The following RSU1 variants were observed in gnomAD, a reference collection of about 807,000 sequenced individuals.
RSU1 encodes rsu-1.
In RSU1, 26 loss-of-function variants were observed where a neutral mutation model predicts 31.1. That is an observed-to-expected ratio of 0.84 (90% CI 0.61 to 1.16). The LOEUF (loss-of-function observed/expected upper bound fraction) is 1.16, where lower values mean the gene tolerates loss of function less well. Ranked by LOEUF, RSU1 falls within the 50% of genes most tolerant of loss-of-function variation. The probability of loss-of-function intolerance (pLI) is 0.00; values close to 1 mark genes in which losing one functional copy is unlikely to be tolerated. For missense variants in RSU1, 320 were observed against 339.1 expected, an observed-to-expected ratio of 0.94 and a Z score of 0.44; for synonymous variants, 164 against 136.3, an observed-to-expected ratio of 1.20 and a Z score of -1.41.
At chr10:16,609,813 G>C (rs973923704) in intron 8 of RSU1, among the ~76,000 whole-genome samples, 1 of 152,198 alleles carries the variant, frequency 6.6e-6, no homozygotes, top group African/African-American at 2.4e-5. Flanking sequence ...AATACCTCGA[G>C]TGAGTTAAGT....
At chr10:16,614,749 AC>A (rs1222645647) in intron 8 of RSU1, among the ~76,000 whole-genome samples, 1 of 152,150 alleles carries the variant, frequency 6.6e-6, no homozygotes, top group East Asian at 1.9e-4. Context: ...AAATAGACTT[AC>A]CCCAAATTCA....
In RSU1 at chr10:16,816,978, C is replaced by T; in HGVS notation, c.104G>A (p.Gly35Asp). 6.2e-7 allele frequency: 1 copy of T among 1,611,876 alleles called. No individual in the cohort carries two copies. Among genetic ancestry groups the T allele is most frequent in the East Asian group, 2.2e-5 (1 of 44,884 alleles). The change falls in exon 2 of 9, where the codon GGC (glycine) becomes GAC (aspartate). Residue 35 changes from glycine to aspartate, a missense_variant. Coordinates refer to ENST00000345264, the MANE Select transcript of RSU1 (RefSeq NM_012425.4). ...RGISNMLDVN[G>D]LFTLSHITQL... ...AGTCCTGCCCGAGAACTCACAGAGG[C>T]CGTTGACATCCAGCATGTTGGAGAT... is the stretch of plus-strand genomic sequence containing the variant.
At chr10:16,747,518 C>T (rs1226582989) in intron 7 of RSU1, among the ~76,000 whole-genome samples, 2 of 152,158 alleles carry the variant, frequency 1.3e-5, no homozygotes, top group South Asian at 2.1e-4. Flanking sequence ...AACTCTCTCA[C>T]CCCTCATCTA....
intron 8 of RSU1, among the ~76,000 whole-genome samples, chr10:16,653,495 CG>C (rs1214749141): frequency 6.6e-6 from 1 of 152,084 alleles, no homozygotes; most frequent in Non-Finnish European, 1.5e-5. Flanking sequence ...ATAAATGTGC[CG>C]GGATGTGCTT....
intron 8 of RSU1, among the ~76,000 whole-genome samples, chr10:16,621,354 G>A (rs907916360): frequency 3.3e-5 from 5 of 152,132 alleles, no homozygotes; most frequent in Non-Finnish European, 7.4e-5. Flanking sequence ...AGGCCCCTAC[G>A]AATATTAACA....
In RSU1 at chr10:16,731,287, G is replaced by A. The variant is rs7093812; in HGVS notation, c.598+21252C>T. On this transcript the variant is annotated intron_variant, in intron 7 of 8. Transcript: ENST00000345264. ...TACTAAAAAATACAAAAAATTAGCCGGGCGCGGGGGTGGGCGCCTGTAGTC... is the reference window on the plus strand; with the variant it reads ...TACTAAAAAATACAAAAAATTAGCCAGGCGCGGGGGTGGGCGCCTGTAGTC... Among the ~76,000 whole-genome samples the A allele has an allele frequency of 2.9e-3, 441 of 152,068 alleles. 3 individuals are homozygous for A. The highest frequency in any genetic ancestry group is 8.8e-3 in the African/African-American group (367 of 41,470).
intron 3 of RSU1, among the ~76,000 whole-genome samples, chr10:16,776,297 TTATAA>T (rs1233904833): frequency 2.0e-5 from 3 of 152,322 alleles, no homozygotes; most frequent in South Asian, 4.1e-4. Flanking sequence ...CTTAATTTGT[TTATAA>T]TATGACTTAT....
intron 8 of RSU1, among the ~76,000 whole-genome samples, chr10:16,639,578 A>G (rs980887843): frequency 4.6e-5 from 7 of 152,358 alleles, no homozygotes; most frequent in African/African-American, 1.4e-4. Flanking sequence ...TTCTGCCAAC[A>G]TATTAACTAA....
intron 2 of RSU1, among the ~76,000 whole-genome samples, chr10:16,800,476 TAC>T (rs1838130677): frequency 1.3e-5 from 2 of 152,326 alleles, no homozygotes; most frequent in South Asian, 4.1e-4. Context: ...GTAGAATGGA[TAC>T]AGTCAAGGAA....
intron 7 of RSU1, among the ~76,000 whole-genome samples, chr10:16,705,527 T>C (rs138866006): frequency 0.026 from 3,950 of 152,234 alleles, 177 homozygotes; most frequent in African/African-American, 0.091. Context: ...TCTCGCTCTG[T>C]CACACAGGCT....
At chr10:16,670,815 A>G (rs1189389570) in intron 8 of RSU1, among the ~76,000 whole-genome samples, 2 of 152,032 alleles carry the variant, frequency 1.3e-5, no homozygotes, top group East Asian at 3.9e-4. Flanking sequence ...CCCAGGCTGG[A>G]GTCCAACGGC....
chr10:16,712,792 T>G lies in RSU1; in HGVS notation c.599-17637A>C, dbSNP rs572106920. 9.0e-4 allele frequency among the ~76,000 whole-genome samples: 137 copies of G among 152,350 alleles called. 1 individual carries two copies. The highest frequency in any genetic ancestry group is 3.0e-3 in the African/African-American group (125 of 41,592). On this transcript the variant is annotated intron_variant, in intron 7 of 8. Coordinates refer to ENST00000345264, the MANE Select transcript of RSU1 (RefSeq NM_012425.4). ...TATTTTATGAATTTACCTCTACTAG[T>G]GAGTTTTACACCTTCACATGTTTTC...
intron 2 of RSU1, among the ~76,000 whole-genome samples, chr10:16,814,444 T>C (rs1220304398): frequency 2.4e-4 from 28 of 114,606 alleles, no homozygotes; most frequent in Non-Finnish European, 4.5e-4. Context: ...CGAGACCCTG[T>C]TTTCAGGAAA....
chr10:16,679,305 G>A (rs1459879612), intron 8 of RSU1, among the ~76,000 whole-genome samples: 1 of 152,002 alleles, frequency 6.6e-6, no homozygotes, highest in Non-Finnish European at 1.5e-5. Flanking sequence ...TCTCTTACAG[G>A]AGAAAAAAAC....
chr10:16,671,495 C>A (rs770572157), intron 8 of RSU1, among the ~76,000 whole-genome samples: 7 of 152,124 alleles, frequency 4.6e-5, no homozygotes, highest in Non-Finnish European at 8.8e-5. Flanking sequence ...GTTGTCCAGG[C>A]TGGAGTACAG....
chr10:16,673,232 C>T (rs556580251), intron 8 of RSU1, among the ~76,000 whole-genome samples: 2 of 139,022 alleles, frequency 1.4e-5, no homozygotes, highest in East Asian at 2.1e-4. Context: ...AGACCAGAAG[C>T]GCTGTGATAC....
chr10:16,778,685 TAGAGAGGAGG>T (rs1837590913), intron 3 of RSU1, among the ~76,000 whole-genome samples: 2 of 151,248 alleles, frequency 1.3e-5, no homozygotes, highest in Admixed American at 1.3e-4. Flanking sequence ...GAGAGGCTGG[TAGAGAGGAGG>T]AGGGAGGAGG....
At chr10:16,640,427 T>C (rs1834420858) in intron 8 of RSU1, among the ~76,000 whole-genome samples, 1 of 152,178 alleles carries the variant, frequency 6.6e-6, no homozygotes, top group Admixed American at 6.5e-5. Flanking sequence ...CTCCACCTCA[T>C]TCTATGCACA....
At chr10:16,638,698 C>T (rs1388881847) in intron 8 of RSU1, among the ~76,000 whole-genome samples, 1 of 152,188 alleles carries the variant, frequency 6.6e-6, no homozygotes, top group African/African-American at 2.4e-5. Flanking sequence ...CATTAAAATA[C>T]ACACAGCTCA....
Sources: gnomAD v4.1 joint callset for allele counts (sites outside exome capture counted in the v4.1 genomes callset) on GRCh38, gnomAD v4.1.1 for gene constraint, MANE v1.5 for transcripts, NCBI Gene and HGNC (gene_info 2026-07-23, HGNC 2026-07-21) for gene names.